Variants in OR2T27 observed in about 807,000 individuals in gnomAD.
OR2T27 encodes the protein olfactory receptor 2T27.
For missense variants in OR2T27, 152 were observed against 397.2 expected (o/e 0.38, Z 5.25); for synonymous variants, 51 against 152.9 (o/e 0.33, Z 4.92).
intron 1 of OR2T27, among the ~76,000 whole-genome samples, chr1:248,653,843 T>C (rs1355336127): frequency 1.6e-5 from 1 of 61,568 alleles, no homozygotes; most frequent in Non-Finnish European, 5.2e-5. Context: ...TTGTTCTATT[T>C]AGTGCAGCTA....
intron 1 of OR2T27, among the ~76,000 whole-genome samples, chr1:248,653,393 A>G (rs1337597797): frequency 3.5e-5 from 5 of 141,988 alleles, no homozygotes; most frequent in African/African-American, 7.4e-5. Flanking sequence ...ATAACTGTCT[A>G]TGCATAATTC....
intron 1 of OR2T27, among the ~76,000 whole-genome samples, chr1:248,652,733 G>A (rs1661047526): frequency 2.0e-5 from 2 of 98,760 alleles, no homozygotes; most frequent in Non-Finnish European, 4.6e-5. Context: ...GGAAAACGAT[G>A]AAAATTCAGA....
Position 248,649,985 on chromosome 1 carries a change from G to C in OR2T27, c.900C>G (p.Ala300=). Residue 300 remains alanine, a synonymous_variant, in exon 2 of 2, where the codon GCC becomes GCG. Transcript: ENST00000460972. ...YSLRNKDVTG[A]LQKVVGRCVS... ...CACACCTCCCCACAACCTTCTGTAGGGCCCCTGTGACATCCTTGTTCCTAA... is the reference window on the plus strand; with the variant it reads ...CACACCTCCCCACAACCTTCTGTAGCGCCCCTGTGACATCCTTGTTCCTAA... 7.6e-6 allele frequency: 12 copies of C among 1,578,278 alleles called. 1 individual carries two copies. The highest frequency in any genetic ancestry group is 1.0e-5 in the Non-Finnish European group (12 of 1,157,736).
rs1394410565 is a variant in OR2T27 at position 248,649,884 on chromosome 1, A to C, written c.*47T>G. 2 of 1,293,820 alleles carry C rather than the reference A, an allele frequency of 1.5e-6. No homozygotes were observed. The highest frequency in any genetic ancestry group is 1.8e-4 in the Middle Eastern group (1 of 5,544). The allele number at this position is 1,293,820 out of a possible 1,614,324, so 80.1% of individuals were successfully genotyped here. On this transcript the variant is annotated 3_prime_UTR_variant, in exon 2 of 2. Transcript: ENST00000460972. ...TATTTAAATTCAAGGGCAATGATAA[A>C]GTCTTGTATCCTTCATTTCAAGTCT...
chr1:248,653,183 A>T (rs1388590065), intron 1 of OR2T27, among the ~76,000 whole-genome samples: 1 of 143,600 alleles, frequency 7.0e-6, no homozygotes, highest in Non-Finnish European at 1.5e-5. Context: ...TGCTAATGAG[A>T]CCCTGGGGAT....
chr1:248,653,662 AT>A (rs1387865472), intron 1 of OR2T27, among the ~76,000 whole-genome samples: 1 of 61,662 alleles, frequency 1.6e-5, no homozygotes, highest in Non-Finnish European at 5.2e-5. Flanking sequence ...CGGCAGCATC[AT>A]GCTTGCCCCA....
intron 1 of OR2T27, among the ~76,000 whole-genome samples, chr1:248,652,536 CGT>C (rs1221244754): frequency 2.9e-5 from 1 of 34,408 alleles, no homozygotes; most frequent in African/African-American, 3.3e-5. Flanking sequence ...GGCACATGAA[CGT>C]GTGTTGTGTG....
intron 1 of OR2T27, among the ~76,000 whole-genome samples, chr1:248,653,923 C>T (rs1661076070): frequency 1.0e-5 from 1 of 99,076 alleles, no homozygotes; most frequent in South Asian, 4.8e-4. Flanking sequence ...TGAAATATTT[C>T]AGACATTTTC....
At chr1:248,654,007 A>G (rs112043621) in intron 1 of OR2T27, among the ~76,000 whole-genome samples, 7,673 of 19,620 alleles carry the variant, frequency 0.39, 1,458 homozygotes, top group Middle Eastern at 0.5. Flanking sequence ...TAAAATTTTT[A>G]ATGTAATTTC....
chr1:248,650,151 A>T lies in OR2T27; in HGVS notation c.734T>A (p.Met245Lys). ...CCCATAGAAGAGGCTGACAACCACC[A>T]TGTGTGAGGAGCAGGTGGCCACAGC... ...GKAVATCSSH[M>K]VVVSLFYGAA... Residue 245 changes from methionine (M) to lysine (K), a missense_variant, in exon 2 of 2, where the codon ATG (methionine) becomes AAG (lysine). Coordinates refer to ENST00000460972, the MANE Select transcript of OR2T27 (RefSeq NM_001001824.2). 6.4e-7 allele frequency: 1 copy of T among 1,564,424 alleles called. No homozygotes were observed. The highest frequency in any genetic ancestry group is 8.7e-7 in the Non-Finnish European group (1 of 1,146,274).
chr1:248,653,417 A>G (rs1423387317), intron 1 of OR2T27, among the ~76,000 whole-genome samples: 4 of 142,298 alleles, frequency 2.8e-5, no homozygotes, highest in Non-Finnish European at 6.3e-5. Flanking sequence ...ACCTTAGTAA[A>G]CGTCCAGTTC....
intron 1 of OR2T27, among the ~76,000 whole-genome samples, chr1:248,653,884 G>T (rs4916162): frequency 0.83 from 108,812 of 131,608 alleles, 49,258 homozygotes; most frequent in East Asian, 1. Flanking sequence ...ACATGTAATT[G>T]TAACTTTGAT....
At chr1:248,653,092 T>C (rs2791309) in intron 1 of OR2T27, among the ~76,000 whole-genome samples, 15,787 of 104,580 alleles carry the variant, frequency 0.15, 1,395 homozygotes, top group African/African-American at 0.27. Flanking sequence ...AAGCCCAAGA[T>C]GAAAAAATTG....
intron 1 of OR2T27, among the ~76,000 whole-genome samples, chr1:248,652,010 AT>A (rs1474706107): frequency 6.6e-6 from 1 of 151,730 alleles, no homozygotes; most frequent in East Asian, 1.9e-4. Flanking sequence ...TACATTTTTA[AT>A]GTGGTTACTA....
chr1:248,652,099 A>G (rs1661031442), intron 1 of OR2T27, among the ~76,000 whole-genome samples: 1 of 152,256 alleles, frequency 6.6e-6, no homozygotes, highest in Non-Finnish European at 1.5e-5. Flanking sequence ...TGAGAATATG[A>G]CAGCTCCAAA....
chr1:248,651,604 T>C (rs1661019280), intron 1 of OR2T27: 1 of 71,146 alleles, frequency 1.4e-5, no homozygotes. Context: ...CTCGTTAAAG[T>C]GTTAGAATCC....
In OR2T27 at chr1:248,653,858, GCCCC is replaced by G. The variant is rs72282570; in HGVS notation, c.-5+1582_-5+1585del. Among the ~76,000 whole-genome samples, 3 of 137,400 alleles carry G rather than the reference GCCCC, an allele frequency of 2.2e-5. 1 individual carries two copies. The highest frequency in any genetic ancestry group is 2.2e-4 in the East Asian group (1 of 4,502). 90.1% of individuals were successfully genotyped at this position (137,400 alleles called of 152,430 possible). A position where few individuals can be genotyped will look rare whatever the true frequency, so the allele number is the denominator to read the frequency against. The stretch of plus-strand genomic sequence containing the variant: ...TTGTTCTATTTAGTGCAGCTATTTT[GCCCC>G]CCGAGTTACATACATGTAATTGTAA... On this transcript the variant is annotated intron_variant, in intron 1 of 1. Transcript: ENST00000460972.
At chr1:248,652,598 T>G (rs1328452876) in intron 1 of OR2T27, among the ~76,000 whole-genome samples, 1 of 83,852 alleles carries the variant, frequency 1.2e-5, no homozygotes, top group African/African-American at 3.0e-5. Flanking sequence ...AGGTTTGACT[T>G]ATTTGGTATG....
rs1661085463 is a variant in OR2T27 at position 248,654,740 on chromosome 1, GT to G, written c.-5+703del. On this transcript the variant is annotated intron_variant, in intron 1 of 1. Transcript: ENST00000460972. ...GGGGAATCTTTAGAACGATAGAGAA[GT>G]TTTGATTAAGGCCGAGGGATTGTCT... Among the ~76,000 whole-genome samples the G allele has an allele frequency of 1.8e-4, 2 of 11,126 alleles. 1 individual carries two copies. Among genetic ancestry groups the G allele is most frequent in the African/African-American group, 2.0e-4 (2 of 10,222 alleles). 7.3% of individuals were successfully genotyped at this position (11,126 alleles called of 152,430 possible).
Sources: allele counts gnomAD v4.1 joint callset (sites outside exome capture counted in the v4.1 genomes callset), GRCh38; gene constraint gnomAD v4.1.1; transcripts MANE v1.5; gene names NCBI Gene and HGNC (gene_info 2026-07-23, HGNC 2026-07-21).